The following DNAJC3 variants were observed in gnomAD, a reference collection of about 807,000 sequenced individuals.
The protein encoded by DNAJC3 is DnaJ heat shock protein family (Hsp40) member C3.
In DNAJC3, 38 loss-of-function variants were observed where a neutral mutation model predicts 68.6. The observed-to-expected ratio is 0.55, with a 90% CI of 0.43 to 0.73. The LOEUF is 0.73. Among genes scored for constraint, DNAJC3 ranks in the 30% least tolerant of loss-of-function variants. DNAJC3 has a pLI of 0.00. For synonymous variants in DNAJC3, 203 were observed against 204.0 expected, an observed-to-expected ratio of 1.00 and a Z score of 0.04; for missense variants, 526 against 591.9, an observed-to-expected ratio of 0.89 and a Z score of 1.16.
At chr13:95,755,756 CAAAAAAAAA>C (rs56659621) in intron 4 of DNAJC3, among the ~76,000 whole-genome samples, 41 of 15,086 alleles carry the variant, frequency 2.7e-3, no homozygotes, top group Non-Finnish European at 5.6e-3. Context: ...GACGCCGTCT[CAAAAAAAAA>C]AAAAAAAAAA....
At chr13:95,716,367 T>C (rs1881146631) in intron 2 of DNAJC3, among the ~76,000 whole-genome samples, 1 of 152,116 alleles carries the variant, frequency 6.6e-6, no homozygotes, top group Non-Finnish European at 1.5e-5. Context: ...CCCACGGCAA[T>C]GTCTAGGACT....
rs150534864 is a variant in DNAJC3 at position 95,743,856 on chromosome 13, G to A, written c.394-13788G>A. 5.8e-3 allele frequency among the ~76,000 whole-genome samples: 876 copies of A among 152,184 alleles called. 10 individuals carry two copies. The highest frequency in any genetic ancestry group is 9.6e-3 in the Admixed American group (146 of 15,284). ...TTATGGGCCTGAACCACCACGCCCG[G>A]CTGCCTCCTGCTTATTTAATAGTAG... On this transcript the variant is annotated intron_variant, in intron 4 of 11. Coordinates refer to ENST00000602402, the MANE Select transcript of DNAJC3 (RefSeq NM_006260.5).
rs1183594658 is a variant in DNAJC3, at chr13:95,792,162, A to ATAT, written c.*1134_*1136dup. The ATAT allele has an allele frequency of 6.6e-6, 1 of 152,210 alleles. No individual in the cohort carries two copies. Among genetic ancestry groups the ATAT allele is most frequent in the African/African-American group, 2.4e-5 (1 of 41,448 alleles). 9.4% of individuals were successfully genotyped at this position (152,210 alleles called of 1,614,324 possible). ...CAGGCAAGGTTAGTCAGGTCTGGCTATATTTCCACTGTTGTTTCATTTAAT... is the reference window on the plus strand; with the variant it reads ...CAGGCAAGGTTAGTCAGGTCTGGCTATATTATTTCCACTGTTGTTTCATTTAAT... On this transcript the variant is annotated 3_prime_UTR_variant, in exon 12 of 12. Coordinates refer to ENST00000602402, the MANE Select transcript of DNAJC3 (RefSeq NM_006260.5).
intron 9 of DNAJC3, among the ~76,000 whole-genome samples, chr13:95,773,156 T>TG (rs1269120073): frequency 2.0e-5 from 3 of 146,444 alleles, no homozygotes; most frequent in Admixed American, 6.7e-5. Flanking sequence ...AATTTAGTTT[T>TG]TTTTTTTTTT....
chr13:95,716,388 A>G (rs903950542), intron 2 of DNAJC3, among the ~76,000 whole-genome samples: 1 of 152,164 alleles, frequency 6.6e-6, no homozygotes, highest in Non-Finnish European at 1.5e-5. Context: ...CCTGAAGCCC[A>G]AGTGGGTGTG....
At chr13:95,696,336 C>T (rs1374040140) in intron 1 of DNAJC3, among the ~76,000 whole-genome samples, 1 of 152,166 alleles carries the variant, frequency 6.6e-6, no homozygotes, top group African/African-American at 2.4e-5. Flanking sequence ...GGGCCCATAA[C>T]ACTTGGGAGT....
chr13:95,790,264 A>G (rs142459263), intron 11 of DNAJC3, among the ~76,000 whole-genome samples: 1 of 152,034 alleles, frequency 6.6e-6, no homozygotes, highest in Admixed American at 6.6e-5. Context: ...CTTTCTTCCT[A>G]TCCCTGCAAT....
At chr13:95,744,175 A>G (rs1882234405) in intron 4 of DNAJC3, among the ~76,000 whole-genome samples, 3 of 152,000 alleles carry the variant, frequency 2.0e-5, no homozygotes, top group South Asian at 2.1e-4. Flanking sequence ...CAGATACTGT[A>G]TGTGTTTTTT....
At chr13:95,780,821 A>G (rs1883428920) in intron 9 of DNAJC3, among the ~76,000 whole-genome samples, 1 of 152,198 alleles carries the variant, frequency 6.6e-6, no homozygotes, top group Non-Finnish European at 1.5e-5. Context: ...AACTGTTTTA[A>G]TGATTCAGGT....
Position 95,708,975 on chromosome 13 carries a change from C to T in DNAJC3, c.83-252C>T, listed in dbSNP as rs148917487. ...TTACTACTTCTGCATTACACAACTTCCCTTTATTTTCTGGACTGGTTACAT... is the reference window on the plus strand; with the variant it reads ...TTACTACTTCTGCATTACACAACTTTCCTTTATTTTCTGGACTGGTTACAT... On this transcript the variant is annotated intron_variant, in intron 1 of 11. Transcript: ENST00000602402. 1.1e-3 allele frequency among the ~76,000 whole-genome samples: 161 copies of T among 152,274 alleles called. 1 individual carries two copies. Among genetic ancestry groups the T allele is most frequent in the African/African-American group, 3.7e-3 (155 of 41,554 alleles).
intron 4 of DNAJC3, among the ~76,000 whole-genome samples, chr13:95,728,227 G>A (rs142397397): frequency 0.013 from 1,953 of 152,310 alleles, 50 homozygotes; most frequent in African/African-American, 0.045. Flanking sequence ...ATGTCCAGGA[G>A]TGCAGTTACT....
intron 11 of DNAJC3, among the ~76,000 whole-genome samples, chr13:95,788,132 G>A (rs1035558176): frequency 6.6e-6 from 1 of 152,184 alleles, no homozygotes; most frequent in African/African-American, 2.4e-5. Context: ...GGAATTGAAA[G>A]TAAATGATCC....
intron 8 of DNAJC3, 39 bp downstream of exon 8, chr13:95,763,787 C>T: frequency 6.2e-7 from 1 of 1,613,790 alleles, no homozygotes; most frequent in East Asian, 2.2e-5. Flanking sequence ...GAAAACTCAA[C>T]ATGTGGAATA....
At position 95,760,714 on chromosome 13, in the gene DNAJC3, A is replaced by G. The variant is rs1376018810; in HGVS notation, c.764A>G (p.His255Arg). The change falls in exon 7 of 12, where the codon CAT (histidine) becomes CGT (arginine). Residue 255 changes from histidine to arginine, a missense_variant. Transcript: ENST00000602402. ...VRECLKLDQD[H>R]KRCFAHYKQV... ...GAATGTCTTAAACTTGACCAGGATC[A>G]TAAAAGGTGTTTTGCACACTATAAA... 4 of 1,612,360 alleles carry G rather than the reference A, an allele frequency of 2.5e-6. No homozygotes were observed. Among genetic ancestry groups the G allele is most frequent in the Non-Finnish European group, 2.5e-6 (3 of 1,179,284 alleles).
At chr13:95,713,768 CAG>C (rs1455996474) in intron 2 of DNAJC3, among the ~76,000 whole-genome samples, 2 of 152,202 alleles carry the variant, frequency 1.3e-5, no homozygotes, top group African/African-American at 2.4e-5. Context: ...TGTCTGTAGA[CAG>C]AGGACAGTCC....
At position 95,677,244 on chromosome 13, in the gene DNAJC3, G is replaced by A. The variant is rs778190712; in HGVS notation, c.-12G>A. 3 of 1,600,812 alleles carry A rather than the reference G, an allele frequency of 1.9e-6. No homozygotes were observed. In the African/African-American group the frequency reaches 4.1e-5, roughly 22 times the overall value. ...CACACCTTTCCTCCTCTTCACTCGCGAGCCCTCGGACATGGTGGCCCCCGG... is the reference window on the plus strand; with the variant it reads ...CACACCTTTCCTCCTCTTCACTCGCAAGCCCTCGGACATGGTGGCCCCCGG... On this transcript the variant is annotated 5_prime_UTR_variant, in exon 1 of 12. Coordinates refer to ENST00000602402, the MANE Select transcript of DNAJC3 (RefSeq NM_006260.5).
chr13:95,744,367 T>C (rs1028968539), intron 4 of DNAJC3, among the ~76,000 whole-genome samples: 1 of 152,216 alleles, frequency 6.6e-6, no homozygotes, highest in Non-Finnish European at 1.5e-5. Flanking sequence ...GGAGACCAAG[T>C]TAAATTTCAA....
intron 4 of DNAJC3, among the ~76,000 whole-genome samples, chr13:95,742,334 C>T (rs1882171481): frequency 6.6e-6 from 1 of 152,094 alleles, no homozygotes; most frequent in Non-Finnish European, 1.5e-5. Context: ...AGGATGCTGC[C>T]TGGTAAGGGC....
chr13:95,692,098 AGAGAGGGAGAGGGAGACTGTGGGGAGAGG>A (rs1231416081), intron 1 of DNAJC3, among the ~76,000 whole-genome samples: 13 of 146,502 alleles, frequency 8.9e-5, no homozygotes, highest in African/African-American at 2.8e-4. Flanking sequence ...GACCGTGGAA[AGAGAGGGAGAGGGAGACTGTGGGGAGAGG>A]GAGAGGGAGA....
Sources: gnomAD v4.1 joint callset for allele counts (sites outside exome capture counted in the v4.1 genomes callset) on GRCh38, gnomAD v4.1.1 for gene constraint, MANE v1.5 for transcripts, NCBI Gene and HGNC (gene_info 2026-07-23, HGNC 2026-07-21) for gene names.